IL22RA2: variants seen among roughly 807,000 people sequenced by gnomAD.
The protein encoded by IL22RA2 is interleukin-22 receptor subunit alpha-2.
A neutral mutation model predicts 30.7 loss-of-function variants in IL22RA2; 39 were observed. The observed-to-expected ratio is 1.27, with a 90% confidence interval of 0.98 to 1.66. The LOEUF is 1.66. IL22RA2 is among the 40% of genes most tolerant of loss of function. The pLI is 0.00. For missense variants in IL22RA2, 315 were observed against 312.7 expected, an observed-to-expected ratio of 1.01 and a Z score of -0.05; for synonymous variants, 103 against 105.0, an observed-to-expected ratio of 0.98 and a Z score of 0.11.
intron 1 of IL22RA2, among the ~76,000 whole-genome samples, chr6:137,164,526 GA>G (rs1431757764): frequency 1.3e-5 from 2 of 152,356 alleles, no homozygotes; most frequent in East Asian, 3.9e-4. Context: ...GGCCCCGCCT[GA>G]AGAGTTAGAA....
At chr6:137,146,414 C>G (rs114513054) in intron 6 of IL22RA2, among the ~76,000 whole-genome samples, 3,854 of 152,184 alleles carry the variant, frequency 0.025, 193 homozygotes, top group African/African-American at 0.09. Flanking sequence ...AAACTGTGGC[C>G]ACATAGAGAC....
At position 137,155,086 on chromosome 6, in the gene IL22RA2, G is replaced by A. The variant is rs370060355; in HGVS notation, c.327C>T (p.Asp109=). The change falls in exon 5 of 7, where the codon GAC becomes GAT. Residue 109 remains aspartate (D), a synonymous_variant. Coordinates refer to ENST00000296980, the MANE Select transcript of IL22RA2 (RefSeq NM_052962.3). ...AAGAGAGTTCTTGAGTACCCCAACA[G>A]TCTTCTTTATTTTTCCATTGTCTCT... ...YGQRQWKNKE[D]CWGTQELSCD... 3 of 1,599,004 alleles carry A rather than the reference G, an allele frequency of 1.9e-6. No homozygotes were observed. Among genetic ancestry groups the A allele is most frequent in the Non-Finnish European group, 2.6e-6 (3 of 1,171,952 alleles).
intron 5 of IL22RA2, among the ~76,000 whole-genome samples, chr6:137,151,223 T>G (rs1280074384): frequency 1.3e-5 from 2 of 152,182 alleles, no homozygotes; most frequent in Non-Finnish European, 1.5e-5. Flanking sequence ...ATGATGAATG[T>G]ATAGCTCAAT....
rs951556909 is a variant in IL22RA2 at position 137,144,376 on chromosome 6, C to T, written c.*1248G>A. 1 of 152,058 alleles carries T rather than the reference C, an allele frequency of 6.6e-6. No individual in the cohort carries two copies. The highest frequency in any genetic ancestry group is 1.5e-5 in the Non-Finnish European group (1 of 68,030). The allele number at this position is 152,058 out of a possible 1,614,324, so 9.4% of individuals were successfully genotyped here. A position where few individuals can be genotyped will look rare whatever the true frequency, so the allele number is the denominator to read the frequency against. ...AGTACTTGCATATAACTAGAAGCACCGACTATATTGTTATCAACTTTGGAG... is the reference window on the plus strand; with the variant it reads ...AGTACTTGCATATAACTAGAAGCACTGACTATATTGTTATCAACTTTGGAG... On this transcript the variant is annotated 3_prime_UTR_variant, in exon 7 of 7. Coordinates refer to ENST00000296980, the MANE Select transcript of IL22RA2 (RefSeq NM_052962.3).
At chr6:137,150,211 C>T (rs1051677070) in intron 5 of IL22RA2, among the ~76,000 whole-genome samples, 1 of 152,152 alleles carries the variant, frequency 6.6e-6, no homozygotes, top group Non-Finnish European at 1.5e-5. Context: ...GCTCATTAGT[C>T]TATATCACAG....
At chr6:137,166,140 G>A (rs1414398684) in intron 1 of IL22RA2, among the ~76,000 whole-genome samples, 1 of 152,214 alleles carries the variant, frequency 6.6e-6, no homozygotes, top group Non-Finnish European at 1.5e-5. Flanking sequence ...GCTGATGGAA[G>A]CAGCTTCATA....
At chr6:137,149,738 C>T (rs1292487395) in intron 5 of IL22RA2, among the ~76,000 whole-genome samples, 2 of 152,196 alleles carry the variant, frequency 1.3e-5, no homozygotes, top group African/African-American at 4.8e-5. Flanking sequence ...GAGGAAGTCA[C>T]AACTCCTTAA....
chr6:137,159,757 C>T (rs1268867449), intron 2 of IL22RA2, among the ~76,000 whole-genome samples: 2 of 152,182 alleles, frequency 1.3e-5, no homozygotes. Context: ...CTGGCCCTTC[C>T]CTTTTCCTGG....
chr6:137,171,259 A>C lies in IL22RA2; in HGVS notation c.-66+2154T>G, dbSNP rs553762191. ...CTGCCTTCCTTAAGCTTGCTTCTCA[A>C]GGGAAAAGTAGAGAATAAGGAGCTA... On this transcript the variant is annotated intron_variant, in intron 1 of 6. Coordinates refer to ENST00000296980, the MANE Select transcript of IL22RA2 (RefSeq NM_052962.3). Among the ~76,000 whole-genome samples the C allele has an allele frequency of 9.8e-5, 15 of 152,334 alleles. No homozygotes were observed. The South Asian group carries it at 3.1e-3, about 32-fold the overall frequency.
rs28741410 is a variant in IL22RA2 at position 137,165,000 on chromosome 6, C to T, written c.-65-3186G>A. Among the ~76,000 whole-genome samples, 1,005 of 152,118 alleles carry T rather than the reference C, an allele frequency of 6.6e-3. 15 individuals carry two copies. Among genetic ancestry groups the T allele is most frequent in the African/African-American group, 0.023 (937 of 41,456 alleles). On this transcript the variant is annotated intron_variant, in intron 1 of 6. Transcript: ENST00000296980. ...GTCATTATTTAATATGGAAGAGCAC[C>T]GTAGAGTTATACAAGCTGCTCTCCA... is the stretch of plus-strand genomic sequence containing the variant.
At position 137,144,963 on chromosome 6, in the gene IL22RA2, T is replaced by C. The variant is rs756901968; in HGVS notation, c.*661A>G. On this transcript the variant is annotated 3_prime_UTR_variant, in exon 7 of 7. Transcript: ENST00000296980. ...AATTGTACAGAGCAGACTTCCTTGT[T>C]GTTGATAGTTTTAATTCAGATATCA... The C allele has an allele frequency of 1.1e-4, 17 of 152,210 alleles. No individual in the cohort carries two copies. Among genetic ancestry groups the C allele is most frequent in the African/African-American group, 4.1e-4 (17 of 41,564 alleles). The allele number at this position is 152,210 out of a possible 1,614,324, so 9.4% of individuals were successfully genotyped here.
intron 5 of IL22RA2, among the ~76,000 whole-genome samples, chr6:137,152,228 A>C (rs1004037580): frequency 2.6e-5 from 4 of 151,960 alleles, no homozygotes; most frequent in African/African-American, 9.7e-5. Flanking sequence ...AAAACAAACA[A>C]GAAAAAAAAA....
At chr6:137,173,139 A>G (rs1582615859) in intron 1 of IL22RA2, among the ~76,000 whole-genome samples, 1 of 152,184 alleles carries the variant, frequency 6.6e-6, no homozygotes, top group Non-Finnish European at 1.5e-5. Context: ...TGGAAGGCGG[A>G]GGTGGGTGGA....
At chr6:137,169,877 A>G (rs1487073300) in intron 1 of IL22RA2, among the ~76,000 whole-genome samples, 1 of 152,208 alleles carries the variant, frequency 6.6e-6, no homozygotes, top group East Asian at 1.9e-4. Context: ...ATTGATGACA[A>G]TGGAAAAGCT....
chr6:137,164,467 C>G (rs1778587790), intron 1 of IL22RA2, among the ~76,000 whole-genome samples: 1 of 152,186 alleles, frequency 6.6e-6, no homozygotes, highest in South Asian at 2.1e-4. Flanking sequence ...AACTGCAAGG[C>G]ATCAGAAAAA....
chr6:137,155,334 T>C (rs1778381718), intron 4 of IL22RA2, among the ~76,000 whole-genome samples: 1 of 152,032 alleles, frequency 6.6e-6, no homozygotes, highest in South Asian at 2.1e-4. Context: ...CTGGGTAATT[T>C]ATAAAGAAAA....
intron 5 of IL22RA2, among the ~76,000 whole-genome samples, chr6:137,153,255 A>G (rs1778328653): frequency 6.6e-6 from 1 of 152,222 alleles, no homozygotes; most frequent in South Asian, 2.1e-4. Context: ...CTCAAGACCC[A>G]TAGGACAAAT....
At chr6:137,149,049 C>G (rs7750867) in intron 5 of IL22RA2, among the ~76,000 whole-genome samples, 1 of 152,024 alleles carries the variant, frequency 6.6e-6, no homozygotes, top group Non-Finnish European at 1.5e-5. Flanking sequence ...ATTACCTTCC[C>G]GCACTATTCA....
Position 137,147,594 on chromosome 6 carries a change from G to A in IL22RA2, c.642+128C>T, listed in dbSNP as rs1374474595. The A allele has an allele frequency of 1.2e-5, 9 of 770,068 alleles. No homozygotes were observed. The African/African-American group carries it at 1.6e-4, about 14-fold the overall frequency. The allele number at this position is 770,068 out of a possible 1,614,324, so 47.7% of individuals were successfully genotyped here. On this transcript the variant is annotated intron_variant, in intron 6 of 6. Coordinates refer to ENST00000296980, the MANE Select transcript of IL22RA2 (RefSeq NM_052962.3). The stretch of plus-strand genomic sequence containing the variant: ...GTTGATCAATGATGGCTGAGAGTAA[G>A]AAGAAATTAAAGATAAGGAAAAGTA...
Sources: gnomAD v4.1 joint callset for allele counts (sites outside exome capture counted in the v4.1 genomes callset) on GRCh38, gnomAD v4.1.1 for gene constraint, MANE v1.5 for transcripts, NCBI Gene and HGNC (gene_info 2026-07-23, HGNC 2026-07-21) for gene names.